The following CSMD1 variants were observed in gnomAD, a reference collection of about 807,000 sequenced individuals.
CSMD1 encodes the protein CUB and Sushi multiple domains 1.
CSMD1 carries 213 observed loss-of-function variants against 417.5 expected under a neutral mutation model. The observed-to-expected ratio is 0.51, with a 90% CI of 0.46 to 0.57. The LOEUF (loss-of-function observed/expected upper bound fraction) is 0.57. Ranked by LOEUF, CSMD1 falls within the 20% of genes least tolerant of loss-of-function variation. The pLI, the probability that CSMD1 is intolerant of heterozygous loss-of-function variation, is 0.00. For synonymous variants in CSMD1, 2,862 were observed against 1,736.8 expected, an observed-to-expected ratio of 1.65 and a Z score of -16.11; for missense variants, 6,923 against 4,529.7, an observed-to-expected ratio of 1.53 and a Z score of -15.17.
At chr8:4,202,401 CT>C (rs767798600) in intron 3 of CSMD1, among the ~76,000 whole-genome samples, 21 of 152,130 alleles carry the variant, frequency 1.4e-4, no homozygotes, top group Admixed American at 2.6e-4. Flanking sequence ...CATTCTTAAG[CT>C]TTTTCACAAG....
chr8:3,929,114 ACT>A (rs1329442901), intron 5 of CSMD1, among the ~76,000 whole-genome samples: 2 of 150,170 alleles, frequency 1.3e-5, no homozygotes, highest in South Asian at 2.2e-4. Flanking sequence ...GAGAGATGAA[ACT>A]CTGCACATAA....
At chr8:4,302,124 A>G (rs1172642740) in intron 3 of CSMD1, among the ~76,000 whole-genome samples, 1 of 152,196 alleles carries the variant, frequency 6.6e-6, no homozygotes, top group Admixed American at 6.5e-5. Flanking sequence ...GAAGCAAGCT[A>G]TCTTGCTAAC....
chr8:4,154,884 C>G (rs1259315345), intron 3 of CSMD1, among the ~76,000 whole-genome samples: 1 of 152,136 alleles, frequency 6.6e-6, no homozygotes, highest in African/African-American at 2.4e-5. Context: ...TCACAGTCCA[C>G]AAATATTTGT....
intron 5 of CSMD1, among the ~76,000 whole-genome samples, chr8:3,848,149 G>A (rs1001475081): frequency 1.3e-5 from 2 of 152,024 alleles, no homozygotes; most frequent in Non-Finnish European, 2.9e-5. Flanking sequence ...ACTGCTGTAT[G>A]TGGTGGATGA....
chr8:3,021,864 C>T (rs1258266045), intron 51 of CSMD1, among the ~76,000 whole-genome samples: 8 of 148,390 alleles, frequency 5.4e-5, no homozygotes, highest in Non-Finnish European at 5.9e-5. Context: ...CCGGAATGCA[C>T]CCGCAATCCC....
At chr8:4,694,491 A>C (rs1806989022) in intron 1 of CSMD1, among the ~76,000 whole-genome samples, 1 of 151,890 alleles carries the variant, frequency 6.6e-6, no homozygotes, top group Non-Finnish European at 1.5e-5. Flanking sequence ...AGCTGGGGCT[A>C]TCTATATGCA....
chr8:3,380,615 C>T (rs1810571881), intron 18 of CSMD1, among the ~76,000 whole-genome samples: 1 of 152,120 alleles, frequency 6.6e-6, no homozygotes, highest in African/African-American at 2.4e-5. Context: ...TGGAAACCAT[C>T]ACTGTCGGTA....
intron 3 of CSMD1, among the ~76,000 whole-genome samples, chr8:4,102,001 A>C (rs544908603): frequency 1.3e-5 from 2 of 152,312 alleles, no homozygotes; most frequent in South Asian, 4.2e-4. Flanking sequence ...GGGACCCGGC[A>C]ATAGCTGAGG....
intron 2 of CSMD1, among the ~76,000 whole-genome samples, chr8:4,422,680 G>A (rs944169024): frequency 6.6e-6 from 1 of 151,904 alleles, no homozygotes; most frequent in South Asian, 2.1e-4. Context: ...GTTTGTTATG[G>A]CAGCCTAAAG....
chr8:4,917,602 C>G (rs1192474087), intron 1 of CSMD1, among the ~76,000 whole-genome samples: 2 of 152,136 alleles, frequency 1.3e-5, no homozygotes, highest in Non-Finnish European at 2.9e-5. Context: ...CCACTGCACT[C>G]CAGCCTGGGC....
intron 49 of CSMD1, among the ~76,000 whole-genome samples, chr8:3,075,021 T>C (rs888909911): frequency 6.7e-6 from 1 of 149,900 alleles, no homozygotes; most frequent in Non-Finnish European, 1.5e-5. Flanking sequence ...CTCATGATAG[T>C]GAGTGAGTTC....
At chr8:4,928,217 T>C (rs985581494) in intron 1 of CSMD1, among the ~76,000 whole-genome samples, 1 of 152,150 alleles carries the variant, frequency 6.6e-6, no homozygotes, top group East Asian at 1.9e-4. Context: ...CTGACCAGCA[T>C]GTCTTGCTCT....
At chr8:3,177,685 C>T (rs1413494433) in intron 37 of CSMD1, among the ~76,000 whole-genome samples, 3 of 152,078 alleles carry the variant, frequency 2.0e-5, no homozygotes, top group African/African-American at 7.2e-5. Context: ...AGAAACACTC[C>T]AGTCTCGGGG....
At chr8:3,272,859 C>T (rs1361301443) in intron 26 of CSMD1, among the ~76,000 whole-genome samples, 7 of 150,524 alleles carry the variant, frequency 4.7e-5, no homozygotes, top group Non-Finnish European at 8.8e-5. Context: ...TCCAGATATA[C>T]AATCATGTCG....
chr8:4,848,068 A>G (rs576210439), intron 1 of CSMD1, among the ~76,000 whole-genome samples: 1 of 152,150 alleles, frequency 6.6e-6, no homozygotes, highest in Non-Finnish European at 1.5e-5. Context: ...GAATGGAGTC[A>G]TAGACATGCT....
intron 23 of CSMD1, among the ~76,000 whole-genome samples, chr8:3,311,488 G>A (rs766417647): frequency 3.9e-5 from 6 of 152,104 alleles, no homozygotes; most frequent in East Asian, 1.9e-4. Flanking sequence ...GACCTCAAGT[G>A]ATTTGCTTGC....
chr8:3,213,050 C>G (rs930877409), intron 30 of CSMD1, among the ~76,000 whole-genome samples: 1 of 152,028 alleles, frequency 6.6e-6, no homozygotes, highest in African/African-American at 2.4e-5. Flanking sequence ...TGGTCTCGAA[C>G]TCCTGACCTC....
At chr8:4,796,547 C>A (rs1408139061) in intron 1 of CSMD1, among the ~76,000 whole-genome samples, 1 of 151,576 alleles carries the variant, frequency 6.6e-6, no homozygotes, top group Non-Finnish European at 1.5e-5. Context: ...CGCTCTCAGA[C>A]TAGAGAGCAC....
At chr8:4,721,723 T>C (rs1178633654) in intron 1 of CSMD1, among the ~76,000 whole-genome samples, 1 of 152,050 alleles carries the variant, frequency 6.6e-6, no homozygotes, top group African/African-American at 2.4e-5. Flanking sequence ...CCAAAGGAAA[T>C]GAAACCAGCA....
Sources: allele counts gnomAD v4.1 joint callset (sites outside exome capture counted in the v4.1 genomes callset), GRCh38; gene constraint gnomAD v4.1.1; transcripts MANE v1.5; gene names NCBI Gene and HGNC (gene_info 2026-07-23, HGNC 2026-07-21).